AKAP13: variants seen among roughly 807,000 people sequenced by gnomAD.
AKAP13 encodes the protein A-kinase anchoring protein 13.
AKAP13 carries 80 observed loss-of-function variants against 264.5 expected under a neutral mutation model. That is an observed-to-expected ratio of 0.30 (90% confidence interval 0.25 to 0.36). The LOEUF (loss-of-function observed/expected upper bound fraction) is 0.36, where lower values mean the gene tolerates loss of function less well. Among genes scored for constraint, AKAP13 ranks in the 10% least tolerant of loss-of-function variants. The pLI is 1.00. For missense variants in AKAP13, 3,712 were observed against 3,435.2 expected, an observed-to-expected ratio of 1.08 and a Z score of -2.01; for synonymous variants, 1,380 against 1,250.2, an observed-to-expected ratio of 1.10 and a Z score of -2.19.
intron 30 of AKAP13, among the ~76,000 whole-genome samples, chr15:85,733,873 C>CT (rs72092500): frequency 0.22 from 18,175 of 82,878 alleles, 2,228 homozygotes; most frequent in African/African-American, 0.24. Flanking sequence ...TCTTTCTTTT[C>CT]TTTTTTTTTT....
At position 85,515,696 on chromosome 15, in the gene AKAP13, C is replaced by G. The variant is rs1363662193; in HGVS notation, c.34-5732C>G. On this transcript the variant is annotated intron_variant, in intron 2 of 36. Coordinates refer to ENST00000394518, the MANE Select transcript of AKAP13 (RefSeq NM_007200.5). ...TACAGACCATTTTTTTACATAGATG[C>G]CCCTTCAATTCAAGTTTGTCTGATG... is the stretch of plus-strand genomic sequence containing the variant. 2.2e-5 allele frequency among the ~76,000 whole-genome samples: 3 copies of G among 138,130 alleles called. 1 individual carries two copies. Among genetic ancestry groups the G allele is most frequent in the African/African-American group, 8.7e-5 (3 of 34,324 alleles). The allele number at this position is 138,130 out of a possible 152,430, so 90.6% of individuals were successfully genotyped here.
intron 29 of AKAP13, among the ~76,000 whole-genome samples, chr15:85,728,097 C>T (rs1213241090): frequency 6.6e-6 from 1 of 152,084 alleles, no homozygotes; most frequent in Non-Finnish European, 1.5e-5. Flanking sequence ...GTGGGTAAGC[C>T]AGAATTCTAT....
chr15:85,532,784 CT>C (rs2077282798), intron 3 of AKAP13, among the ~76,000 whole-genome samples: 1 of 152,240 alleles, frequency 6.6e-6, no homozygotes, highest in Non-Finnish European at 1.5e-5. Flanking sequence ...CAGCCGAACT[CT>C]TTGGAGTGGC....
rs1165345508 is a variant in AKAP13, at chr15:85,581,879, A to G, written c.3811A>G (p.Thr1271Ala). The change falls in exon 7 of 37, where the codon ACT becomes GCT. Residue 1271 changes from threonine (T) to alanine (A), a missense_variant. This residue lies in a region of AKAP13 where 2,759 missense variants were observed against 2,411.7 expected (regional missense o/e 1.14). Transcript: ENST00000394518. ...AGTCAAGGCCGCTGGAGCACTGCTT[A>G]CTGAGGGGGAGGCCTGTCACATGTC... ...EQVKAAGALL[T>A]EGEACHMSLS... 6.2e-7 allele frequency: 1 copy of G among 1,614,174 alleles called. No homozygotes were observed. The highest frequency in any genetic ancestry group is 8.5e-7 in the Non-Finnish European group (1 of 1,179,998).
intron 9 of AKAP13, among the ~76,000 whole-genome samples, chr15:85,645,270 G>A (rs2082501121): frequency 6.6e-6 from 1 of 152,164 alleles, no homozygotes; most frequent in South Asian, 2.1e-4. Context: ...CCCTGTTCTA[G>A]TTATTGAACC....
intron 1 of AKAP13, among the ~76,000 whole-genome samples, chr15:85,449,457 A>G (rs1373912957): frequency 6.6e-6 from 1 of 152,088 alleles, no homozygotes; most frequent in Non-Finnish European, 1.5e-5. Flanking sequence ...AGGATTTCCA[A>G]TACTATGTTG....
chr15:85,469,556 G>C (rs1032195237), intron 1 of AKAP13, among the ~76,000 whole-genome samples: 1 of 152,154 alleles, frequency 6.6e-6, no homozygotes, highest in Non-Finnish European at 1.5e-5. Flanking sequence ...CATTTCTGGT[G>C]GACCCACCAG....
intron 1 of AKAP13, among the ~76,000 whole-genome samples, chr15:85,457,061 C>G (rs898496835): frequency 2.2e-4 from 34 of 152,160 alleles, no homozygotes; most frequent in African/African-American, 8.0e-4. Context: ...ACATGATCCC[C>G]TTTTTTCTGA....
At chr15:85,651,222 A>G (rs2082825948) in intron 10 of AKAP13, among the ~76,000 whole-genome samples, 5 of 152,230 alleles carry the variant, frequency 3.3e-5, no homozygotes. Flanking sequence ...TTTATTAAGA[A>G]TATATTGAGG....
chr15:85,414,871 T>C (rs2072161172), intron 1 of AKAP13, among the ~76,000 whole-genome samples: 1 of 152,190 alleles, frequency 6.6e-6, no homozygotes, highest in South Asian at 2.1e-4. Flanking sequence ...GTGACTAAAA[T>C]GGTCTGGGAG....
intron 5 of AKAP13, among the ~76,000 whole-genome samples, chr15:85,571,088 A>G (rs1056951564): frequency 1.3e-5 from 2 of 152,174 alleles, no homozygotes; most frequent in Non-Finnish European, 2.9e-5. Context: ...AGGAAATTAT[A>G]TAAACTTTAA....
intron 33 of AKAP13, among the ~76,000 whole-genome samples, 192 bp downstream of exon 33, chr15:85,736,326 C>T (rs1172105014): frequency 6.6e-6 from 1 of 152,082 alleles, no homozygotes; most frequent in Admixed American, 6.5e-5. Flanking sequence ...CTAGGGGCAC[C>T]ATCTTGGAAT....
At chr15:85,620,464 A>G (rs1031385217) in intron 8 of AKAP13, among the ~76,000 whole-genome samples, 1 of 152,036 alleles carries the variant, frequency 6.6e-6, no homozygotes, top group Non-Finnish European at 1.5e-5. Flanking sequence ...AGAGAGAGAA[A>G]TTCACCTTCC....
Position 85,721,970 on chromosome 15 carries a change from TCTGTTCTC to T in AKAP13, c.6253-20_6253-13del. 4 of 1,613,502 alleles carry T rather than the reference TCTGTTCTC, an allele frequency of 2.5e-6. No homozygotes were observed. The highest frequency in any genetic ancestry group is 3.4e-6 in the Non-Finnish European group (4 of 1,179,734). On this transcript the variant is annotated splice_polypyrimidine_tract_variant and intron_variant, in intron 23 of 36. Coordinates refer to ENST00000394518, the MANE Select transcript of AKAP13 (RefSeq NM_007200.5). ...GAGTTTGGCGCCCCATGGCATAACT[TCTGTTCTC>T]TTTTCTCTGCAGTTTTCAGGTGAGA...
rs200406710 is a variant in AKAP13 at position 85,631,002 on chromosome 15, G to GA, written c.4162-8362dup. ...GCATCATTCGTCACAGTCAGAAAGT[G>GA]AAAAAAAAAACAACCACCCAGATTT... On this transcript the variant is annotated intron_variant, in intron 8 of 36. Transcript: ENST00000394518. Among the ~76,000 whole-genome samples, 383 of 145,050 alleles carry GA rather than the reference G, an allele frequency of 2.6e-3. 1 individual carries two copies. Among genetic ancestry groups the GA allele is most frequent in the African/African-American group, 8.1e-3 (319 of 39,434 alleles).
chr15:85,573,523 C>T (rs1052291420), intron 5 of AKAP13, among the ~76,000 whole-genome samples: 4 of 141,832 alleles, frequency 2.8e-5, no homozygotes, highest in South Asian at 2.1e-4. Context: ...CCAGCCTTGG[C>T]GACAGAGCGG....
intron 5 of AKAP13, among the ~76,000 whole-genome samples, chr15:85,546,443 A>G (rs1470083985): frequency 1.3e-5 from 2 of 152,148 alleles, no homozygotes; most frequent in African/African-American, 2.4e-5. Context: ...CTACAGCCTT[A>G]AAAAGAAAAG....
At chr15:85,498,503 C>A (rs554419354) in intron 2 of AKAP13, among the ~76,000 whole-genome samples, 1 of 150,362 alleles carries the variant, frequency 6.7e-6, no homozygotes, top group African/African-American at 2.4e-5. Flanking sequence ...AGAGGTGAAG[C>A]GGTAATTCAA....
At chr15:85,613,709 T>TA (rs2080802707) in intron 8 of AKAP13, among the ~76,000 whole-genome samples, 1 of 125,538 alleles carries the variant, frequency 8.0e-6, no homozygotes, top group Admixed American at 8.0e-5. Flanking sequence ...TATATATATA[T>TA]ATATTAGGAG....
Sources: allele counts gnomAD v4.1 joint callset (sites outside exome capture counted in the v4.1 genomes callset), GRCh38; gene constraint gnomAD v4.1.1; regional missense constraint gnomAD v4.1.1; transcripts MANE v1.5; gene names NCBI Gene and HGNC (gene_info 2026-07-23, HGNC 2026-07-21).